PLCB2: variants seen among roughly 807,000 people sequenced by gnomAD.
PLCB2 encodes 1-phosphatidylinositol 4,5-bisphosphate phosphodiesterase beta-2.
In PLCB2, 115 loss-of-function variants were observed where a neutral mutation model predicts 141.7. That is an observed-to-expected ratio of 0.81 (90% CI 0.70 to 0.95). The LOEUF (loss-of-function observed/expected upper bound fraction) is 0.95. PLCB2 is among the 40% of genes least tolerant of loss of function. The pLI is 0.00. For synonymous variants in PLCB2, 603 were observed against 595.6 expected (o/e 1.01, Z -0.18); for missense variants, 1,403 against 1,541.1 (o/e 0.91, Z 1.50).
intron 2 of PLCB2, 144 bp downstream of exon 2, chr15:40,303,857 C>T: frequency 3.3e-6 from 2 of 605,394 alleles, no homozygotes; most frequent in Non-Finnish European, 6.0e-6. Flanking sequence ...AGAGCCCCTG[C>T]CTACAGGGGA....
intron 1 of PLCB2, among the ~76,000 whole-genome samples, chr15:40,306,080 G>A (rs1339068349): frequency 6.6e-6 from 1 of 152,106 alleles, no homozygotes; most frequent in Admixed American, 6.5e-5. Context: ...TCTTTCCATG[G>A]CCAGGGGGAG....
chr15:40,301,868 T>C, intron 7 of PLCB2, 89 bp downstream of exon 7: 1 of 1,160,378 alleles, frequency 8.6e-7, no homozygotes, highest in Middle Eastern at 2.4e-4. Flanking sequence ...TGATGTCACC[T>C]CTGCTCCCCC....
At chr15:40,296,939 T>C (rs779639222) in intron 13 of PLCB2, 31 bp from the exon 14 acceptor site, 3 of 1,611,108 alleles carry the variant, frequency 1.9e-6, no homozygotes, top group Non-Finnish European at 2.5e-6. Context: ...CAGCACCATC[T>C]TCTCACCTTC....
intron 7 of PLCB2, chr15:40,301,494 T>G (rs531659757): frequency 2.8e-6 from 2 of 702,504 alleles, no homozygotes; most frequent in East Asian, 5.4e-5. Context: ...AGAGCAGAAG[T>G]CTGCATCTTG....
chr15:40,301,458 A>G (rs2040500552), intron 7 of PLCB2: 1 of 642,762 alleles, frequency 1.6e-6, no homozygotes, highest in Admixed American at 2.6e-5. Flanking sequence ...TTAACTAAAA[A>G]GACAGGGAAA....
Position 40,291,361 on chromosome 15 carries a change from T to A in PLCB2, c.2774A>T (p.Gln925Leu). 4.6e-6 allele frequency: 7 copies of A among 1,525,660 alleles called. No homozygotes were observed. The highest frequency in any genetic ancestry group is 6.1e-6 in the Non-Finnish European group (7 of 1,142,950). The allele number at this position is 1,525,660 out of a possible 1,614,324, so 94.5% of individuals were successfully genotyped here. Residue 925 changes from glutamine to leucine, a missense_variant, in exon 26 of 32, where the codon CAG becomes CTG. By Grantham distance (113) the Gln-to-Leu change is moderately radical. Transcript: ENST00000260402. The part of the protein sequence containing the change: ...RGARRWEELL[Q>L]RGAAQLAELG... ...CTCCGCCAGCTGCGCCGCGCCCCGC[T>A]GCAGCAGCTCCTCCCAGCGCCGCGC...
Position 40,302,650 on chromosome 15 carries a change from C to T in PLCB2, c.232-41G>A, listed in dbSNP as rs1182192000. On this transcript the variant is annotated intron_variant, in intron 3 of 31. Coordinates refer to ENST00000260402, the MANE Select transcript of PLCB2 (RefSeq NM_004573.3). ...GTATGGTTAGGATGGAGGTGTGCTC[C>T]CTCCCTGCCCAGTGTGGCTCTCTCT... 3 of 1,606,896 alleles carry T rather than the reference C, an allele frequency of 1.9e-6. No individual in the cohort carries two copies. The East Asian group carries it at 6.7e-5, about 36-fold the overall frequency.
Position 40,289,968 on chromosome 15 carries a change from AGTGT to A in PLCB2, c.3267+53_3267+56del, listed in dbSNP as rs1156960787. The A allele has an allele frequency of 3.3e-4, 171 of 525,048 alleles. 1 individual carries two copies. The highest frequency in any genetic ancestry group is 6.6e-4 in the Middle Eastern group (2 of 3,012). The allele number at this position is 525,048 out of a possible 1,614,324, so 32.5% of individuals were successfully genotyped here. On this transcript the variant is annotated intron_variant, in intron 30 of 31. Coordinates refer to ENST00000260402, the MANE Select transcript of PLCB2 (RefSeq NM_004573.3). ...GAGAGAGAGAGAGAGAGAGAGAGAG[AGTGT>A]GTGTGTGTGTGTGTGTGTGTGTGTG... is the stretch of plus-strand genomic sequence containing the variant.
rs1483560717 is a variant in PLCB2, at chr15:40,299,195, G to T, written c.616C>A (p.Pro206Thr). 4 of 1,613,794 alleles carry T rather than the reference G, an allele frequency of 2.5e-6. No individual in the cohort carries two copies. Among genetic ancestry groups the T allele is most frequent in the Non-Finnish European group, 3.4e-6 (4 of 1,179,658 alleles). The change falls in exon 8 of 32, where the codon CCT becomes ACT. Residue 206 changes from proline (P) to threonine (T), a missense_variant. By Grantham distance (38) the Pro-to-Thr change is conservative. Around this residue, in one of 4 missense-constraint regions of PLCB2, gnomAD observed 975 missense variants for 1,141.1 expected, o/e 0.85. Coordinates refer to ENST00000260402, the MANE Select transcript of PLCB2 (RefSeq NM_004573.3). ...DAINPEDFPE[P>T]VYKSFLMSLC... ...CTCATGAGGAAACTCTTGTAGACAG[G>T]TTCTGGGAAGTCCTCAGGATTGATG...
chr15:40,287,266 C>T (rs991483939), downstream of PLCB2, among the ~76,000 whole-genome samples: 1 of 152,196 alleles, frequency 6.6e-6, no homozygotes, highest in Non-Finnish European at 1.5e-5. Context: ...TCCCAGAGGT[C>T]AGACTCCCAG....
At chr15:40,284,543 A>G (rs1566864048), downstream of PLCB2, 2 of 454,966 alleles carry the variant, frequency 4.4e-6, no homozygotes, top group Non-Finnish European at 8.8e-6. Context: ...TGCAAAAGAA[A>G]GAAGGAAGGA....
intron 1 of PLCB2, among the ~76,000 whole-genome samples, chr15:40,305,196 T>A (rs62834461): frequency 0.02 from 2,810 of 141,790 alleles, 59 homozygotes; most frequent in South Asian, 0.053. Flanking sequence ...TTTTTTTTTT[T>A]ACCTTAAGTT....
At chr15:40,298,151 A>G in intron 11 of PLCB2, 72 bp downstream of exon 11, 1 of 1,465,396 alleles carries the variant, frequency 6.8e-7, no homozygotes, top group Admixed American at 2.2e-5. Flanking sequence ...CAGCCCTCCA[A>G]CCCCTCAAAG....
intron 8 of PLCB2, 48 bp downstream of exon 8, chr15:40,299,080 G>T (rs772007476): frequency 1.9e-6 from 3 of 1,567,088 alleles, no homozygotes; most frequent in Non-Finnish European, 2.6e-6. Flanking sequence ...GGAGGGGATT[G>T]TTAGCCACCA....
At chr15:40,292,260 C>A in intron 22 of PLCB2, 79 bp downstream of exon 22, 1 of 1,500,448 alleles carries the variant, frequency 6.7e-7, no homozygotes, top group Non-Finnish European at 9.3e-7. Flanking sequence ...TGGATCCCAC[C>A]CCAACTCTGG....
chr15:40,288,560 T>C lies in PLCB2; in HGVS notation c.*155A>G. The C allele has an allele frequency of 7.2e-7, 1 of 1,379,828 alleles. No individual in the cohort carries two copies. The highest frequency in any genetic ancestry group is 9.4e-7 in the Non-Finnish European group (1 of 1,067,382). 85.5% of individuals were successfully genotyped at this position (1,379,828 alleles called of 1,614,324 possible). ...GGTGCCTGGGTCCTGTCTCAGACTC[T>C]GGCCTGGCCGTTGAGGAGGGGGCTG... On this transcript the variant is annotated 3_prime_UTR_variant, in exon 32 of 32. Coordinates refer to ENST00000260402, the MANE Select transcript of PLCB2 (RefSeq NM_004573.3).
intron 1 of PLCB2, among the ~76,000 whole-genome samples, chr15:40,305,123 A>G (rs1595686799): frequency 6.7e-6 from 1 of 148,266 alleles, no homozygotes; most frequent in Non-Finnish European, 1.5e-5. Context: ...CTGATCCCCC[A>G]CCTTAAGCCT....
rs1250120719 is a variant in PLCB2, at chr15:40,303,349, T to C, written c.170A>G (p.Glu57Gly). The stretch of plus-strand genomic sequence containing the variant: ...CCGGATGCTGGTGATATCCAGAAAC[T>C]CCATCTCCTGGGGGCAGGGTGCGGA... ...LYWTYQSKEM[E>G]FLDITSIRDT... Residue 57 changes from glutamate to glycine, a missense_variant, in exon 3 of 32, where the codon GAG becomes GGG. Glu to Gly is a moderately conservative substitution (Grantham distance 98). This residue lies in a region of PLCB2 where 975 missense variants were observed against 1,141.1 expected (regional missense o/e 0.85). Transcript: ENST00000260402. The C allele has an allele frequency of 6.2e-7, 1 of 1,612,418 alleles. No homozygotes were observed. The highest frequency in any genetic ancestry group is 1.3e-5 in the African/African-American group (1 of 74,536).
chr15:40,303,970 C>A, intron 2 of PLCB2, 31 bp downstream of exon 2: 1 of 1,461,090 alleles, frequency 6.8e-7, no homozygotes. Flanking sequence ...AAGCAGGAGT[C>A]CAGGGCCATG....
Sources: gnomAD v4.1 joint callset for allele counts (sites outside exome capture counted in the v4.1 genomes callset) on GRCh38, gnomAD v4.1.1 for gene constraint, gnomAD v4.1.1 regional missense constraint, MANE v1.5 for transcripts, NCBI Gene and HGNC (gene_info 2026-07-23, HGNC 2026-07-21) for gene names.